The following NAV2 variants were observed in gnomAD, a reference collection of about 807,000 sequenced individuals.
NAV2 encodes the protein neuron navigator 2.
A neutral mutation model predicts 223.2 loss-of-function variants in NAV2; 54 were observed. The observed-to-expected ratio is 0.24, with a 90% CI of 0.19 to 0.30. The LOEUF is 0.30. NAV2 is among the 10% of genes least tolerant of loss of function. The pLI, the probability that NAV2 is intolerant of heterozygous loss-of-function variation, is 1.00. For synonymous variants in NAV2, 1,279 were observed against 1,239.3 expected (o/e 1.03, Z -0.67); for missense variants, 2,806 against 3,147.5 (o/e 0.89, Z 2.60).
intron 11 of NAV2, among the ~76,000 whole-genome samples, chr11:20,013,211 T>TG (rs2053713667): frequency 1.6e-4 from 1 of 6,076 alleles, no homozygotes; most frequent in African/African-American, 1.8e-4. Context: ...CATACTGGGA[T>TG]ATGTGAGTTT....
intron 10 of NAV2, among the ~76,000 whole-genome samples, chr11:19,958,288 G>A (rs922259818): frequency 2.0e-5 from 3 of 152,222 alleles, no homozygotes; most frequent in African/African-American, 4.8e-5. Flanking sequence ...TATTGAGTTT[G>A]TTATATGTTA....
intron 2 of NAV2, among the ~76,000 whole-genome samples, chr11:19,841,958 A>C (rs2060536525): frequency 6.6e-6 from 1 of 152,188 alleles, no homozygotes; most frequent in Non-Finnish European, 1.5e-5. Context: ...ATAGATGAGG[A>C]AACTGTGACC....
intron 1 of NAV2, among the ~76,000 whole-genome samples, chr11:19,520,155 C>A (rs573122441): frequency 5.3e-5 from 8 of 152,318 alleles, no homozygotes; most frequent in Non-Finnish European, 1.0e-4. Flanking sequence ...CACGCTCAGG[C>A]AGCCACTGAC....
At chr11:19,960,597 A>C (rs143280219) in intron 10 of NAV2, among the ~76,000 whole-genome samples, 4,894 of 137,130 alleles carry the variant, frequency 0.036, 249 homozygotes, top group African/African-American at 0.15. Flanking sequence ...AATTTTATTT[A>C]TTTATTTATT....
rs184296401 is a variant in NAV2, at chr11:19,529,485, C to T, written c.75+178458C>T. Among the ~76,000 whole-genome samples, 938 of 152,340 alleles carry T rather than the reference C, an allele frequency of 6.2e-3. 11 individuals are homozygous for T. Among genetic ancestry groups the T allele is most frequent in the Non-Finnish European group, 6.3e-3 (430 of 68,032 alleles). On this transcript the variant is annotated intron_variant, in intron 1 of 37. Transcript: ENST00000360655. ...TTACAGTGTCAGTTGAGACCCGCCC[C>T]ACCCCATCCCCAGTAATTCTCTAAC...
chr11:19,860,041 G>T (rs1426040260), intron 3 of NAV2, among the ~76,000 whole-genome samples: 1 of 123,440 alleles, frequency 8.1e-6, no homozygotes, highest in Non-Finnish European at 1.8e-5. Flanking sequence ...CAGGCGGGGG[G>T]CTGACCCCCC....
At chr11:19,732,559 G>A (rs2051890488) in intron 1 of NAV2, among the ~76,000 whole-genome samples, 1 of 152,238 alleles carries the variant, frequency 6.6e-6, no homozygotes, top group Non-Finnish European at 1.5e-5. Flanking sequence ...GAAGTTCAGA[G>A]AGGTTAGGTA....
intron 30 of NAV2, 50 bp from the exon 31 acceptor site, chr11:20,097,527 C>T: frequency 1.4e-6 from 2 of 1,427,610 alleles, no homozygotes; most frequent in Non-Finnish European, 1.9e-6. Flanking sequence ...GAGTCATGGG[C>T]AGATTTTAGC....
At chr11:20,033,142 A>G (rs1485804045) in intron 11 of NAV2, among the ~76,000 whole-genome samples, 1 of 152,218 alleles carries the variant, frequency 6.6e-6, no homozygotes, top group African/African-American at 2.4e-5. Context: ...ACTGAATGAC[A>G]TCGGTCAGCG....
At chr11:19,899,828 T>G (rs576644070) in intron 6 of NAV2, among the ~76,000 whole-genome samples, 91 of 152,314 alleles carry the variant, frequency 6.0e-4, no homozygotes, top group African/African-American at 2.1e-3. Flanking sequence ...GATCTGGGTG[T>G]TAATCTGACA....
intron 1 of NAV2, among the ~76,000 whole-genome samples, chr11:19,549,117 G>A (rs2044606359): frequency 6.6e-6 from 1 of 152,156 alleles, no homozygotes; most frequent in Admixed American, 6.5e-5. Context: ...GTAACATGAT[G>A]TTAAGAAGGA....
intron 1 of NAV2, among the ~76,000 whole-genome samples, chr11:19,400,605 G>A (rs1849641342): frequency 6.6e-6 from 1 of 152,150 alleles, no homozygotes; most frequent in Non-Finnish European, 1.5e-5. Flanking sequence ...CTTAAATGTA[G>A]AATAGGGATA....
chr11:19,480,099 A>G (rs1336914397), intron 1 of NAV2, among the ~76,000 whole-genome samples: 1 of 152,298 alleles, frequency 6.6e-6, no homozygotes, highest in Middle Eastern at 3.4e-3. Context: ...AATATTTACT[A>G]TCTGGCCCTG....
At chr11:20,034,793 G>A (rs1194643326) in intron 11 of NAV2, among the ~76,000 whole-genome samples, 1 of 152,116 alleles carries the variant, frequency 6.6e-6, no homozygotes, top group African/African-American at 2.4e-5. Context: ...TTGATGGCTG[G>A]TGGGGTGGTT....
At position 20,045,071 on chromosome 11, in the gene NAV2, A is replaced by G. The variant is rs1236159577; in HGVS notation, c.3303A>G (p.Glu1101=). Residue 1101 remains glutamate (E), a synonymous_variant, in exon 14 of 38, where the codon GAA becomes GAG. Transcript: ENST00000349880. ...PSDAGRSSGD[E]SKKPLPSSSR... ...ATGCAGGCCGGAGCAGTGGTGACGA[A>G]TCCAAAAAGCCCCTCCCCAGCAGCT... 8.1e-6 allele frequency: 13 copies of G among 1,614,166 alleles called. No homozygotes were observed. The highest frequency in any genetic ancestry group is 1.1e-5 in the Non-Finnish European group (13 of 1,180,028).
At chr11:20,075,948 A>G (rs981333756) in intron 22 of NAV2, among the ~76,000 whole-genome samples, 1 of 151,890 alleles carries the variant, frequency 6.6e-6, no homozygotes, top group Non-Finnish European at 1.5e-5. Context: ...CCCTGTCTAC[A>G]CCTGTGTTCT....
At chr11:19,403,374 G>T (rs1006230286) in intron 1 of NAV2, among the ~76,000 whole-genome samples, 2 of 152,152 alleles carry the variant, frequency 1.3e-5, no homozygotes, top group Non-Finnish European at 2.9e-5. Flanking sequence ...ATGGCAAGGG[G>T]CATAGAACCG....
chr11:19,898,702 G>A (rs1175655500), intron 6 of NAV2, among the ~76,000 whole-genome samples: 1 of 152,012 alleles, frequency 6.6e-6, no homozygotes, highest in South Asian at 2.1e-4. Context: ...GTATCAAAGG[G>A]TATGCATAGT....
chr11:19,868,125 T>C (rs1040977300), intron 3 of NAV2, among the ~76,000 whole-genome samples: 2 of 152,146 alleles, frequency 1.3e-5, no homozygotes, highest in African/African-American at 2.4e-5. Context: ...GGGGTCCCCA[T>C]TGTGAAATGC....
Sources: gnomAD v4.1 joint callset for allele counts (sites outside exome capture counted in the v4.1 genomes callset) on GRCh38, gnomAD v4.1.1 for gene constraint, MANE v1.5 for transcripts, NCBI Gene and HGNC (gene_info 2026-07-23, HGNC 2026-07-21) for gene names.